Variants in PDE8B observed in about 807,000 individuals in gnomAD.
PDE8B encodes the protein phosphodiesterase 8B.
In PDE8B, 26 loss-of-function variants were observed where a neutral mutation model predicts 101.3. That is an observed-to-expected ratio of 0.26 (90% CI 0.19 to 0.36). The LOEUF is 0.36. Ranked by LOEUF, PDE8B falls within the 10% of genes least tolerant of loss-of-function variation. The probability of loss-of-function intolerance (pLI) is 1.00; values close to 1 mark genes in which losing one functional copy is unlikely to be tolerated. For synonymous variants in PDE8B, 424 were observed against 429.3 expected, an observed-to-expected ratio of 0.99 and a Z score of 0.15; for missense variants, 810 against 1,163.1, an observed-to-expected ratio of 0.70 and a Z score of 4.42.
chr5:77,257,095 T>C (rs1300758702), intron 1 of PDE8B, among the ~76,000 whole-genome samples: 1 of 152,128 alleles, frequency 6.6e-6, no homozygotes, highest in Non-Finnish European at 1.5e-5. Context: ...AGATAAGATA[T>C]ATTAGACATT....
chr5:77,124,819 G>A, the PDE8B span, among the ~76,000 whole-genome samples: 5 of 152,084 alleles, frequency 3.3e-5, no homozygotes, highest in African/African-American at 7.2e-5. Flanking sequence ...CCAAAGTGAA[G>A]CACAGAGAAA....
intron 10 of PDE8B, among the ~76,000 whole-genome samples, chr5:77,371,970 G>T (rs536879648): frequency 2.0e-5 from 3 of 152,296 alleles, no homozygotes; most frequent in East Asian, 3.9e-4. Flanking sequence ...GGAGGCCGAG[G>T]TTGGCATATC....
chr5:77,385,427 CATTG>C (rs1402317041), intron 10 of PDE8B, among the ~76,000 whole-genome samples: 2 of 144,424 alleles, frequency 1.4e-5, no homozygotes, highest in African/African-American at 2.5e-5. Flanking sequence ...CTCCTGGATT[CATTG>C]ATTTTTTTTT....
chr5:77,146,295 G>A, the PDE8B span: 1 of 152,208 alleles, frequency 6.6e-6, no homozygotes, highest in African/African-American at 2.4e-5. Flanking sequence ...GGCCAAAAGG[G>A]TGAACTGAGG....
intron 1 of PDE8B, chr5:77,214,112 C>G (rs1278277378): frequency 1.3e-5 from 2 of 152,162 alleles, no homozygotes; most frequent in Non-Finnish European, 2.9e-5. Context: ...GATGTTCACT[C>G]TTGATATTGT....
intron 1 of PDE8B, among the ~76,000 whole-genome samples, chr5:77,244,120 A>G (rs544311418): frequency 2.8e-4 from 43 of 152,260 alleles, no homozygotes; most frequent in African/African-American, 9.9e-4. Flanking sequence ...AAGCCAAGCC[A>G]TGATAGGACT....
intron 1 of PDE8B, among the ~76,000 whole-genome samples, chr5:77,224,531 G>T (rs1751902238): frequency 1.3e-5 from 2 of 152,078 alleles, no homozygotes; most frequent in Non-Finnish European, 2.9e-5. Context: ...TATTTCAGCT[G>T]TAACTATTTC....
intron 10 of PDE8B, chr5:77,358,557 T>C: frequency 5.0e-6 from 2 of 400,700 alleles, no homozygotes; most frequent in East Asian, 1.6e-4. Flanking sequence ...AACTAGTTTT[T>C]ACTCCTTAAC....
intron 11 of PDE8B, among the ~76,000 whole-genome samples, chr5:77,400,700 C>T (rs1312384275): frequency 2.0e-5 from 3 of 152,132 alleles, no homozygotes; most frequent in African/African-American, 7.2e-5. Context: ...GAAAATGTGG[C>T]TAGGTCCTGG....
chr5:77,315,922 A>C (rs1039998565), intron 2 of PDE8B, among the ~76,000 whole-genome samples: 2 of 152,052 alleles, frequency 1.3e-5, no homozygotes, highest in Non-Finnish European at 2.9e-5. Flanking sequence ...CAGAAACAAA[A>C]GATTGCAGAT....
chr5:77,277,626 A>G (rs564622146), intron 1 of PDE8B, among the ~76,000 whole-genome samples: 2 of 152,128 alleles, frequency 1.3e-5, no homozygotes, highest in Non-Finnish European at 2.9e-5. Flanking sequence ...TTTTTGATCT[A>G]GTTTTTATTA....
At chr5:77,174,345 T>C in the PDE8B span, among the ~76,000 whole-genome samples, 3 of 152,182 alleles carry the variant, frequency 2.0e-5, no homozygotes, top group Non-Finnish European at 2.9e-5. Flanking sequence ...CTCACATCCA[T>C]GTATATGATC....
intron 1 of PDE8B, among the ~76,000 whole-genome samples, chr5:77,235,410 A>G (rs1392318380): frequency 6.6e-6 from 1 of 152,210 alleles, no homozygotes; most frequent in Non-Finnish European, 1.5e-5. Flanking sequence ...CTACCAGTGT[A>G]TGAACAGGAT....
the PDE8B span, among the ~76,000 whole-genome samples, chr5:77,161,351 T>G: frequency 6.6e-6 from 1 of 152,194 alleles, no homozygotes; most frequent in Non-Finnish European, 1.5e-5. Flanking sequence ...GTCGTATTAG[T>G]AGTTTGTTCC....
intron 1 of PDE8B, among the ~76,000 whole-genome samples, chr5:77,236,775 A>G (rs943332166): frequency 6.6e-6 from 1 of 152,294 alleles, no homozygotes; most frequent in African/African-American, 2.4e-5. Context: ...ATTGGCTGGG[A>G]AAGTGTTCTA....
In PDE8B at chr5:77,344,664, T is replaced by G. The variant is rs932768706; in HGVS notation, c.798-189T>G. ...AGCCACTTCCCAAAGGCCCTGCCTC[T>G]TCATACTATCACATTGGATGTTAGA... On this transcript the variant is annotated intron_variant, in intron 6 of 21. Transcript: ENST00000264917. 3.9e-5 allele frequency among the ~76,000 whole-genome samples: 6 copies of G among 152,228 alleles called. 1 individual carries two copies. The highest frequency in any genetic ancestry group is 1.4e-4 in the African/African-American group (6 of 41,464).
At chr5:77,340,619 G>A (rs1379201634) in intron 6 of PDE8B, among the ~76,000 whole-genome samples, 3 of 151,622 alleles carry the variant, frequency 2.0e-5, no homozygotes, top group South Asian at 2.1e-4. Context: ...GTGTGTGTGT[G>A]TGTGTGTGTG....
chr5:77,164,810 G>T, the PDE8B span, among the ~76,000 whole-genome samples: 1 of 152,148 alleles, frequency 6.6e-6, no homozygotes, highest in South Asian at 2.1e-4. Flanking sequence ...GGAGTGACTT[G>T]TGGGGGTCAG....
At chr5:77,241,746 T>G (rs1226726560) in intron 1 of PDE8B, among the ~76,000 whole-genome samples, 1 of 152,216 alleles carries the variant, frequency 6.6e-6, no homozygotes. Context: ...ATCAGATTAT[T>G]TCTCTGGGAA....
Sources: allele counts gnomAD v4.1 joint callset (sites outside exome capture counted in the v4.1 genomes callset), GRCh38; gene constraint gnomAD v4.1.1; transcripts MANE v1.5; gene names NCBI Gene and HGNC (gene_info 2026-07-23, HGNC 2026-07-21).